The following PACRGL variants were observed in gnomAD, a reference collection of about 807,000 sequenced individuals.
PACRGL encodes parkin coregulated like.
PACRGL carries 38 observed loss-of-function variants against 34.5 expected under a neutral mutation model. The ratio of observed to expected loss-of-function variants is 1.10; its 90% CI spans 0.85 to 1.44. The LOEUF (loss-of-function observed/expected upper bound fraction) is 1.44, where lower values mean the gene tolerates loss of function less well. Among genes scored for constraint, PACRGL ranks in the 40% most tolerant of loss-of-function variants. The pLI, the probability that PACRGL is intolerant of heterozygous loss-of-function variation, is 0.00. For synonymous variants in PACRGL, 128 were observed against 100.1 expected, an observed-to-expected ratio of 1.28 and a Z score of -1.66; for missense variants, 305 against 281.4, an observed-to-expected ratio of 1.08 and a Z score of -0.60.
chr4:20,765,333 T>A, the PACRGL span, among the ~76,000 whole-genome samples: 1 of 151,904 alleles, frequency 6.6e-6, no homozygotes, highest in African/African-American at 2.4e-5. Context: ...AAATCCTTCT[T>A]CTGGGAAGAT....
chr4:20,764,105 C>G, the PACRGL span, among the ~76,000 whole-genome samples: 5 of 151,986 alleles, frequency 3.3e-5, no homozygotes, highest in African/African-American at 1.2e-4. Context: ...TTCTACTAAC[C>G]CTTATGGTTC....
intron 4 of PACRGL, among the ~76,000 whole-genome samples, chr4:20,709,327 A>G (rs1347991379): frequency 1.3e-5 from 2 of 152,224 alleles, no homozygotes; most frequent in Admixed American, 1.3e-4. Context: ...TTCCTTGTGA[A>G]ACATTTTTAA....
At chr4:20,752,160 G>C (rs1753772010) in intron 8 of PACRGL, among the ~76,000 whole-genome samples, 1 of 146,612 alleles carries the variant, frequency 6.8e-6, no homozygotes, top group East Asian at 2.2e-4. Context: ...CTGGGTTCAA[G>C]CGATTCTCCT....
Position 20,731,658 on chromosome 4 carries a change from A to T in PACRGL, c.*4317A>T. 2.0e-6 allele frequency: 2 copies of T among 985,170 alleles called. No homozygotes were observed. The highest frequency in any genetic ancestry group is 9.4e-5 in the South Asian group (2 of 21,278). 61.0% of individuals were successfully genotyped at this position (985,170 alleles called of 1,614,324 possible). A position where few individuals can be genotyped will look rare whatever the true frequency, so the allele number is the denominator to read the frequency against. ...GGAATTCTAATGCTGTGGAGATATG[A>T]TAGATAATATATGAGTGATGCTAAG... On this transcript the variant is annotated 3_prime_UTR_variant, in exon 9 of 9. Transcript: ENST00000503585.
At chr4:20,766,966 G>A in the PACRGL span, 5 of 152,138 alleles carry the variant, frequency 3.3e-5, no homozygotes, top group Non-Finnish European at 5.9e-5. Context: ...ATTGACCTCA[G>A]AGAGCTGCTA....
upstream of PACRGL, among the ~76,000 whole-genome samples, chr4:20,699,806 T>A (rs1731523510): frequency 6.6e-6 from 1 of 152,234 alleles, no homozygotes; most frequent in South Asian, 2.1e-4. Context: ...GCATCAGTTT[T>A]GTTATGATGT....
At chr4:20,706,681 T>C (rs1218004021) in intron 3 of PACRGL, among the ~76,000 whole-genome samples, 3 of 152,052 alleles carry the variant, frequency 2.0e-5, no homozygotes, top group Non-Finnish European at 2.9e-5. Flanking sequence ...ATTCAAGCCA[T>C]TCTCCTGCCT....
chr4:20,749,562 T>C (rs1272969398), intron 8 of PACRGL: 3 of 776,130 alleles, frequency 3.9e-6, no homozygotes, highest in African/African-American at 1.7e-5. Flanking sequence ...TTGGGCTTTC[T>C]TTCCCCTGAG....
chr4:20,729,306 C>T lies in PACRGL; in HGVS notation c.*1965C>T, dbSNP rs189146202. 2.0e-5 allele frequency: 3 copies of T among 151,694 alleles called. No individual in the cohort carries two copies. The highest frequency in any genetic ancestry group is 4.8e-5 in the African/African-American group (2 of 41,354). 9.4% of individuals were successfully genotyped at this position (151,694 alleles called of 1,614,324 possible). A position where few individuals can be genotyped will look rare whatever the true frequency, so the allele number is the denominator to read the frequency against. ...TTTTGTTTGATGCCTTCTTCAACTT[C>T]CACTTAATGATTGATACTAATGATT... is the stretch of plus-strand genomic sequence containing the variant. On this transcript the variant is annotated 3_prime_UTR_variant, in exon 9 of 9. Coordinates refer to ENST00000503585, the MANE Select transcript of PACRGL (RefSeq NM_001258345.3).
At chr4:20,735,685 C>G (rs1258706290), downstream of PACRGL, among the ~76,000 whole-genome samples, 3 of 151,838 alleles carry the variant, frequency 2.0e-5, no homozygotes, top group South Asian at 4.2e-4. Flanking sequence ...TACAGGCACC[C>G]GCCACCATGC....
At chr4:20,743,440 G>A (rs1343595597) in intron 8 of PACRGL, among the ~76,000 whole-genome samples, 1 of 152,118 alleles carries the variant, frequency 6.6e-6, no homozygotes, top group East Asian at 1.9e-4. Context: ...CAATGGAACA[G>A]AACAGAGCCC....
At chr4:20,746,963 A>G (rs1166928431) in intron 8 of PACRGL, among the ~76,000 whole-genome samples, 1 of 152,186 alleles carries the variant, frequency 6.6e-6, no homozygotes, top group East Asian at 1.9e-4. Flanking sequence ...CCAGGTAGCT[A>G]ATCAATTTAG....
chr4:20,748,580 A>G (rs1215572237), intron 8 of PACRGL, among the ~76,000 whole-genome samples: 1 of 91,780 alleles, frequency 1.1e-5, no homozygotes, highest in East Asian at 2.7e-4. Flanking sequence ...ATATATATAT[A>G]TATATATATA....
chr4:20,713,456 G>A lies in PACRGL; in HGVS notation c.526G>A (p.Glu176Lys). ...GGTCCATTCGGATGATGAAGTGTTT[G>A]AAAGAGGATTGAATGCTCTAGTTCA... Reference protein sequence around the residue: ...ALVHSDDEVFERGLNALVQLS... With the variant: ...ALVHSDDEVFKRGLNALVQLS... The change falls in exon 7 of 9, where the codon GAA (glutamate) becomes AAA (lysine). Residue 176 changes from glutamate (E) to lysine (K), a missense_variant. Coordinates refer to ENST00000503585, the MANE Select transcript of PACRGL (RefSeq NM_001258345.3). 6.2e-7 allele frequency: 1 copy of A among 1,613,674 alleles called. No individual in the cohort carries two copies. The highest frequency in any genetic ancestry group is 2.2e-5 in the East Asian group (1 of 44,842).
chr4:20,721,386 AG>A (rs1743100885), intron 7 of PACRGL, among the ~76,000 whole-genome samples: 1 of 152,080 alleles, frequency 6.6e-6, no homozygotes, highest in East Asian at 1.9e-4. Flanking sequence ...GTTCCTTTGG[AG>A]GGGGAGAGGC....
At chr4:20,706,053 A>G (rs1734344602) in intron 3 of PACRGL, among the ~76,000 whole-genome samples, 1 of 151,914 alleles carries the variant, frequency 6.6e-6, no homozygotes, top group Non-Finnish European at 1.5e-5. Context: ...GTAGTATAGT[A>G]TATAACATTA....
At position 20,729,471 on chromosome 4, in the gene PACRGL, C is replaced by CTAATTTTTAAATGTT. The variant is rs1747252834; in HGVS notation, c.*2135_*2149dup. 6.6e-6 allele frequency: 1 copy of CTAATTTTTAAATGTT among 151,228 alleles called. No homozygotes were observed. The highest frequency in any genetic ancestry group is 1.5e-5 in the Non-Finnish European group (1 of 67,852). The allele number at this position is 151,228 out of a possible 1,614,324, so 9.4% of individuals were successfully genotyped here. A position where few individuals can be genotyped will look rare whatever the true frequency, so the allele number is the denominator to read the frequency against. On this transcript the variant is annotated 3_prime_UTR_variant, in exon 9 of 9. Coordinates refer to ENST00000503585, the MANE Select transcript of PACRGL (RefSeq NM_001258345.3). ...GCATATGCTGATATCTGATAATAAACTAATTTTTAAATGTTTAATAATTTT... is the reference window on the plus strand; with the variant it reads ...GCATATGCTGATATCTGATAATAAACTAATTTTTAAATGTTTAATTTTTAAATGTTTAATAATTTT...
intron 7 of PACRGL, among the ~76,000 whole-genome samples, chr4:20,722,780 T>C (rs1743961125): frequency 6.6e-6 from 1 of 152,172 alleles, no homozygotes; most frequent in Admixed American, 6.5e-5. Context: ...GAGGTTATCA[T>C]TCAAGAGCTA....
chr4:20,733,737 A>G (rs1001093641), downstream of PACRGL, among the ~76,000 whole-genome samples: 12 of 152,182 alleles, frequency 7.9e-5, no homozygotes, highest in African/African-American at 2.9e-4. Context: ...TATTTAGGAT[A>G]TGCTCCATAT....
Sources: allele counts gnomAD v4.1 joint callset (sites outside exome capture counted in the v4.1 genomes callset), GRCh38; gene constraint gnomAD v4.1.1; transcripts MANE v1.5; gene names NCBI Gene and HGNC (gene_info 2026-07-23, HGNC 2026-07-21).